Variants in VSIG10 observed in about 807,000 individuals in gnomAD.
VSIG10 encodes V-set and immunoglobulin domain-containing protein 10.
A neutral mutation model predicts 58.7 loss-of-function variants in VSIG10; 48 were observed. That is an observed-to-expected ratio of 0.82 (90% CI 0.65 to 1.04). The LOEUF (loss-of-function observed/expected upper bound fraction) is 1.04. Among genes scored for constraint, VSIG10 ranks in the 50% least tolerant of loss-of-function variants. The probability of loss-of-function intolerance (pLI) is 0.00; values close to 1 mark genes in which losing one functional copy is unlikely to be tolerated. For missense variants in VSIG10, 628 were observed against 670.0 expected (o/e 0.94, Z 0.69); for synonymous variants, 260 against 267.1 (o/e 0.97, Z 0.26).
Position 118,079,368 on chromosome 12 carries a change from G to A in VSIG10, c.903C>T (p.Gly301=), listed in dbSNP as rs367576002. ...VTSHIVGPES[G]ASCMVQIRGP... Reference sequence around the variant, plus strand: ...CACTGATCTGCACCATGCAGCTGGCGCCCGACTCTGGCCCAACTATGTGGC... The same window carrying A: ...CACTGATCTGCACCATGCAGCTGGCACCCGACTCTGGCCCAACTATGTGGC... The change falls in exon 4 of 9, where the codon GGC becomes GGT. Residue 301 remains glycine, a synonymous_variant. Transcript: ENST00000359236. 70 of 1,613,916 alleles carry A rather than the reference G, an allele frequency of 4.3e-5. No homozygotes were observed. The highest frequency in any genetic ancestry group is 8.9e-5 in the East Asian group (4 of 44,884).
intron 5 of VSIG10, among the ~76,000 whole-genome samples, chr12:118,073,312 A>C (rs1485020436): frequency 6.6e-6 from 1 of 152,318 alleles, no homozygotes; most frequent in East Asian, 1.9e-4. Context: ...GGCGTGAGCC[A>C]CTGTGCCCAG....
At chr12:118,091,312 G>A (rs2033289711) in intron 2 of VSIG10, among the ~76,000 whole-genome samples, 1 of 151,798 alleles carries the variant, frequency 6.6e-6, no homozygotes, top group Non-Finnish European at 1.5e-5. Flanking sequence ...CTAACATGGT[G>A]AAACCCCATC....
At chr12:118,098,966 C>T (rs976847248) in intron 1 of VSIG10, among the ~76,000 whole-genome samples, 1 of 150,850 alleles carries the variant, frequency 6.6e-6, no homozygotes, top group Admixed American at 6.6e-5. Flanking sequence ...TCTTGAACTC[C>T]TGACTTCAAG....
Position 118,089,768 on chromosome 12 carries a change from T to C in VSIG10, c.361+5765A>G, listed in dbSNP as rs537492324. On this transcript the variant is annotated intron_variant, in intron 2 of 8. Transcript: ENST00000359236. ...GTGTCCTGGAAGCCTCTCTTTCCTT[T>C]ATCCTCTACTTCTGATCCAGCAGCG... 8.0e-4 allele frequency among the ~76,000 whole-genome samples: 122 copies of C among 152,084 alleles called. 1 individual carries two copies. The highest frequency in any genetic ancestry group is 7.9e-3 in the Admixed American group (121 of 15,270).
At position 118,074,479 on chromosome 12, in the gene VSIG10, C is replaced by T. The variant is rs527708678; in HGVS notation, c.926-487G>A. Among the ~76,000 whole-genome samples the T allele has an allele frequency of 2.0e-5, 3 of 149,192 alleles. No homozygotes were observed. The East Asian group carries it at 6.1e-4, about 30-fold the overall frequency. ...CTAAATGGAAAATTTCAGAAATGAACAATTTTTTTTTTTTTTTGAGATGGA... is the reference window on the plus strand; with the variant it reads ...CTAAATGGAAAATTTCAGAAATGAATAATTTTTTTTTTTTTTTGAGATGGA... On this transcript the variant is annotated intron_variant, in intron 4 of 8. Transcript: ENST00000359236.
Position 118,071,461 on chromosome 12 carries a change from T to A in VSIG10, c.1228A>T (p.Asn410Tyr). 6.2e-7 allele frequency: 1 copy of A among 1,613,868 alleles called. No homozygotes were observed. Among genetic ancestry groups the A allele is most frequent in the Non-Finnish European group, 8.5e-7 (1 of 1,179,806 alleles). The change falls in exon 6 of 9, where the codon AAT (asparagine) becomes TAT (tyrosine). Residue 410 changes from asparagine to tyrosine, a missense_variant. Asn to Tyr is a moderately radical substitution (Grantham distance 143). Coordinates refer to ENST00000359236, the MANE Select transcript of VSIG10 (RefSeq NM_019086.6). ...EIWLSVKEPL[N>Y]IGGIVGTIVS... is the part of the protein sequence containing the mutation. ...ATGGTTCCCACAATCCCCCCGATAT[T>A]TAAAGGTTCTGTAAAGACAAATCAC...
At chr12:118,076,554 T>A (rs913522034) in intron 4 of VSIG10, among the ~76,000 whole-genome samples, 2 of 152,042 alleles carry the variant, frequency 1.3e-5, no homozygotes, top group African/African-American at 4.8e-5. Flanking sequence ...CCCAGGCTGG[T>A]CTCAAACTCC....
chr12:118,100,522 TTTTA>T (rs991494790), intron 1 of VSIG10, among the ~76,000 whole-genome samples: 2 of 152,162 alleles, frequency 1.3e-5, no homozygotes, highest in East Asian at 1.9e-4. Flanking sequence ...TAAGAATTCT[TTTTA>T]TTTATTTATT....
chr12:118,078,434 C>T (rs1034930848), intron 4 of VSIG10, among the ~76,000 whole-genome samples: 10 of 152,074 alleles, frequency 6.6e-5, no homozygotes, highest in Non-Finnish European at 1.5e-4. Flanking sequence ...GCTGAGATTA[C>T]AGGTGTGAGC....
chr12:118,095,836 TG>T, intron 1 of VSIG10, 22 bp from the exon 2 acceptor site: 1 of 1,590,024 alleles, frequency 6.3e-7, no homozygotes, highest in South Asian at 1.1e-5. Flanking sequence ...AAGATCAGGC[TG>T]TTACTACCCT....
chr12:118,081,954 T>C (rs1268674786), intron 3 of VSIG10, among the ~76,000 whole-genome samples, 173 bp downstream of exon 3: 1 of 148,996 alleles, frequency 6.7e-6, no homozygotes, highest in Non-Finnish European at 1.5e-5. Flanking sequence ...GAGGTGGAGA[T>C]TGCGGCGAGG....
chr12:118,070,216 G>A (rs2032430656), intron 7 of VSIG10, among the ~76,000 whole-genome samples: 1 of 151,976 alleles, frequency 6.6e-6, no homozygotes, highest in African/African-American at 2.4e-5. Context: ...TTCCTTTTGG[G>A]AGGGGGTTCT....
At chr12:118,103,554 G>A in intron 1 of VSIG10, 39 bp downstream of exon 1, 1 of 1,497,278 alleles carries the variant, frequency 6.7e-7, no homozygotes, top group Non-Finnish European at 8.9e-7. Flanking sequence ...CCGCTGACTG[G>A]GAAAACTCAA....
intron 8 of VSIG10, among the ~76,000 whole-genome samples, chr12:118,067,336 T>C (rs2032285383): frequency 6.6e-6 from 1 of 152,104 alleles, no homozygotes; most frequent in African/African-American, 2.4e-5. Flanking sequence ...TTTAAATGTG[T>C]TGTCCATCAG....
At chr12:118,084,301 T>C (rs372059432) in intron 2 of VSIG10, among the ~76,000 whole-genome samples, 4 of 152,314 alleles carry the variant, frequency 2.6e-5, no homozygotes, top group African/African-American at 9.6e-5. Flanking sequence ...CTCAGTATCT[T>C]GAATTCCTTG....
intron 5 of VSIG10, among the ~76,000 whole-genome samples, chr12:118,072,863 T>C (rs376076104): frequency 6.6e-6 from 1 of 152,142 alleles, no homozygotes; most frequent in East Asian, 1.9e-4. Flanking sequence ...AAACAATGAA[T>C]AGTTTTTTTA....
In VSIG10 at chr12:118,082,148, T is replaced by C. The variant is rs756322302; in HGVS notation, c.643A>G (p.Thr215Ala). The part of the protein sequence containing the change: ...NQLSKRHRKV[T>A]TELLVYYPPP... Reference sequence around the variant, plus strand: ...GCACAGTAGACCAGGAGCTCGGTGGTCACCTTTCGATGTCTCTTGCTGAGC... The same window carrying C: ...GCACAGTAGACCAGGAGCTCGGTGGCCACCTTTCGATGTCTCTTGCTGAGC... Residue 215 changes from threonine (T) to alanine (A), a missense_variant, in exon 3 of 9, where the codon ACC becomes GCC. Physicochemically the swap from Thr to Ala is moderately conservative, Grantham distance 58. Transcript: ENST00000359236. 9.9e-6 allele frequency: 16 copies of C among 1,613,348 alleles called. No homozygotes were observed. The highest frequency in any genetic ancestry group is 1.4e-5 in the Non-Finnish European group (16 of 1,179,666).
chr12:118,099,728 A>T (rs1351519150), intron 1 of VSIG10, among the ~76,000 whole-genome samples: 1 of 152,226 alleles, frequency 6.6e-6, no homozygotes, highest in Non-Finnish European at 1.5e-5. Context: ...CATGTAAATT[A>T]TATCTGAATA....
At chr12:118,081,104 G>T (rs2032932822) in intron 3 of VSIG10, among the ~76,000 whole-genome samples, 1 of 151,870 alleles carries the variant, frequency 6.6e-6, no homozygotes, top group South Asian at 2.1e-4. Flanking sequence ...AGTCGGACAT[G>T]GTGGTACCTG....
Sources: allele counts gnomAD v4.1 joint callset (sites outside exome capture counted in the v4.1 genomes callset), GRCh38; gene constraint gnomAD v4.1.1; transcripts MANE v1.5; gene names NCBI Gene and HGNC (gene_info 2026-07-23, HGNC 2026-07-21).